Variants in DAB1 observed in about 807,000 individuals in gnomAD.
The protein encoded by DAB1 is disabled homolog 1.
DAB1 carries 15 observed loss-of-function variants against 64.6 expected under a neutral mutation model. That is an observed-to-expected ratio of 0.23 (90% CI 0.16 to 0.36). DAB1 has a LOEUF of 0.36. Ranked by LOEUF, DAB1 falls within the 10% of genes least tolerant of loss-of-function variation. The pLI is 1.00. For synonymous variants in DAB1, 235 were observed against 251.9 expected (o/e 0.93, Z 0.64); for missense variants, 596 against 706.7 (o/e 0.84, Z 1.78).
chr1:57,135,953 T>C (rs753111397), intron 4 of DAB1, among the ~76,000 whole-genome samples: 8 of 152,304 alleles, frequency 5.3e-5, no homozygotes, highest in Middle Eastern at 3.4e-3. Context: ...ACTGACAGTG[T>C]CAGGAGAGCT....
upstream of DAB1, among the ~76,000 whole-genome samples, chr1:57,424,556 T>C (rs1347981233): frequency 6.6e-6 from 1 of 152,158 alleles, no homozygotes; most frequent in Non-Finnish European, 1.5e-5. Context: ...CAGCTCCGCC[T>C]GGCCTCTCTC....
chr1:58,057,337 A>G (rs1570290724), intron 5 of DAB1, among the ~76,000 whole-genome samples: 1 of 152,284 alleles, frequency 6.6e-6, no homozygotes, highest in East Asian at 1.9e-4. Context: ...CTACCCAGAA[A>G]CTCAGAATAT....
At chr1:57,090,785 A>C (rs474194) in intron 4 of DAB1, among the ~76,000 whole-genome samples, 1 of 151,948 alleles carries the variant, frequency 6.6e-6, no homozygotes, top group African/African-American at 2.4e-5. Flanking sequence ...CCCCCGGACC[A>C]TGGCCAGGTA....
chr1:57,312,384 A>G (rs1027574322), intron 1 of DAB1, among the ~76,000 whole-genome samples: 1 of 151,996 alleles, frequency 6.6e-6, no homozygotes, highest in Non-Finnish European at 1.5e-5. Flanking sequence ...TAGTCACTCA[A>G]AAAATAAAAT....
chr1:58,465,284 C>T (rs1287442169), intron 3 of DAB1, among the ~76,000 whole-genome samples: 1 of 152,186 alleles, frequency 6.6e-6, no homozygotes, highest in African/African-American at 2.4e-5. Context: ...GTCCCCCTCT[C>T]CTCTCAGGCA....
chr1:58,212,752 C>A lies in DAB1; in HGVS notation n.310-62164G>T, dbSNP rs572813268. On this transcript the variant is annotated intron_variant and non_coding_transcript_variant, in intron 4 of 20. Coordinates refer to the DAB1 transcript ENST00000485760. ...ACCCCACCCCTAATTAGGAGAAAAA[C>A]ATCATGAAGACAGAAGGAGTGAACC... 6.6e-5 allele frequency among the ~76,000 whole-genome samples: 10 copies of A among 152,204 alleles called. No individual in the cohort carries two copies. In the South Asian group the frequency reaches 1.2e-3, roughly 19 times the overall value.
chr1:57,006,165 G>A (rs775658279), intron 14 of DAB1, among the ~76,000 whole-genome samples: 1 of 152,164 alleles, frequency 6.6e-6, no homozygotes, highest in Non-Finnish European at 1.5e-5. Flanking sequence ...CTGGTTAGAT[G>A]ATCTGTGTAT....
At chr1:57,203,814 G>C (rs1301750297) in intron 2 of DAB1, among the ~76,000 whole-genome samples, 1 of 152,158 alleles carries the variant, frequency 6.6e-6, no homozygotes, top group Non-Finnish European at 1.5e-5. Context: ...ACCGGTTCCG[G>C]ACAACTGGCC....
chr1:57,372,827 A>C (rs1680606711), intron 1 of DAB1, among the ~76,000 whole-genome samples: 1 of 152,112 alleles, frequency 6.6e-6, no homozygotes, highest in Admixed American at 6.6e-5. Flanking sequence ...CACTTCTCGG[A>C]GTATCCACTT....
intron 5 of DAB1, among the ~76,000 whole-genome samples, chr1:58,064,685 TTATTTATTTATG>T (rs1356428172): frequency 1.1e-4 from 13 of 113,798 alleles, no homozygotes; most frequent in East Asian, 3.8e-4. Flanking sequence ...ATAAATTTTT[TTATTTATTTATG>T]TATTTATTTA....
chr1:57,247,963 A>AT (rs1043054963), intron 2 of DAB1, among the ~76,000 whole-genome samples: 1 of 152,208 alleles, frequency 6.6e-6, no homozygotes, highest in Non-Finnish European at 1.5e-5. Context: ...GTACTGTCAA[A>AT]TGAGCAATAA....
chr1:58,115,889 G>A lies in DAB1; in HGVS notation n.387+34622C>T, dbSNP rs866445267. Among the ~76,000 whole-genome samples, 396 of 133,156 alleles carry A rather than the reference G, an allele frequency of 3.0e-3. 5 individuals carry two copies. The highest frequency in any genetic ancestry group is 0.017 in the Middle Eastern group (5 of 286). 87.4% of individuals were successfully genotyped at this position (133,156 alleles called of 152,430 possible). On this transcript the variant is annotated intron_variant and non_coding_transcript_variant, in intron 5 of 20. Transcript: ENST00000485760. ...GCATTGGGAGATATACCTAATGCTA[G>A]ATGACACATTAGTGGGTGCAGCGCA... is the stretch of plus-strand genomic sequence containing the variant.
At chr1:57,278,106 T>C (rs1484960361) in intron 2 of DAB1, among the ~76,000 whole-genome samples, 2 of 152,240 alleles carry the variant, frequency 1.3e-5, no homozygotes, top group African/African-American at 4.8e-5. Flanking sequence ...TGGGGTTTTA[T>C]TTGATGGTCT....
In DAB1 at chr1:58,454,963, G is replaced by A. The variant is rs992702760; in HGVS notation, n.257+51097C>T. 3.9e-5 allele frequency among the ~76,000 whole-genome samples: 6 copies of A among 152,170 alleles called. No individual in the cohort carries two copies. The South Asian group carries it at 1.2e-3, about 32-fold the overall frequency. The stretch of plus-strand genomic sequence containing the variant: ...CCTTCAGGTCACTCAGTGGTGACGT[G>A]TACCATCCGAAACTGCATTTGCACA... On this transcript the variant is annotated intron_variant and non_coding_transcript_variant, in intron 3 of 20. Transcript: ENST00000485760.
At chr1:58,354,620 G>T (rs576149866) in intron 3 of DAB1, among the ~76,000 whole-genome samples, 20 of 152,226 alleles carry the variant, frequency 1.3e-4, no homozygotes, top group African/African-American at 4.8e-4. Flanking sequence ...TGTCTGAGAG[G>T]GTGGATTCAG....
intron 5 of DAB1, among the ~76,000 whole-genome samples, chr1:58,119,212 TTGTGTGTGTGTGCGTGTGTGTGTGTG>T (rs1652582053): frequency 8.2e-6 from 1 of 122,256 alleles, no homozygotes; most frequent in Non-Finnish European, 1.7e-5. Context: ...AAATCAAATA[TTGTGTGTGTGTGCGTGTGTGTGTGTG>T]TGTGTGTGTG....
intron 6 of DAB1, among the ~76,000 whole-genome samples, chr1:57,665,485 A>C (rs939142204): frequency 6.6e-6 from 1 of 152,130 alleles, no homozygotes; most frequent in African/African-American, 2.4e-5. Flanking sequence ...TGACTGACTA[A>C]ATAATTTTAC....
chr1:57,122,130 G>C (rs945994421), intron 4 of DAB1, among the ~76,000 whole-genome samples: 1 of 152,102 alleles, frequency 6.6e-6, no homozygotes, highest in African/African-American at 2.4e-5. Context: ...GTCATTAGGA[G>C]AGAGGCACAT....
chr1:58,227,128 T>C (rs1659535670), intron 4 of DAB1, among the ~76,000 whole-genome samples: 1 of 152,196 alleles, frequency 6.6e-6, no homozygotes, highest in East Asian at 1.9e-4. Context: ...CGCAGAAATA[T>C]CTGGGAAAGG....
Sources: gnomAD v4.1 joint callset for allele counts (sites outside exome capture counted in the v4.1 genomes callset) on GRCh38, gnomAD v4.1.1 for gene constraint, MANE v1.5 for transcripts, NCBI Gene and HGNC (gene_info 2026-07-23, HGNC 2026-07-21) for gene names.